The following ASTN2 variants were observed in gnomAD, a reference collection of about 807,000 sequenced individuals.
The protein encoded by ASTN2 is astrotactin 2.
A neutral mutation model predicts 139.8 loss-of-function variants in ASTN2; 54 were observed. That is an observed-to-expected ratio of 0.39 (90% CI 0.31 to 0.48). The LOEUF (loss-of-function observed/expected upper bound fraction) is 0.48, where lower values mean the gene tolerates loss of function less well. Among genes scored for constraint, ASTN2 ranks in the 20% least tolerant of loss-of-function variants. The probability of loss-of-function intolerance (pLI) is 0.95; values close to 1 mark genes in which losing one functional copy is unlikely to be tolerated. For missense variants in ASTN2, 1,565 were observed against 1,725.1 expected (o/e 0.91, Z 1.64); for synonymous variants, 756 against 719.5 (o/e 1.05, Z -0.81).
At chr9:116,980,462 A>C (rs1836481086) in intron 7 of ASTN2, among the ~76,000 whole-genome samples, 5 of 151,842 alleles carry the variant, frequency 3.3e-5, no homozygotes. Flanking sequence ...ATATGTTTAC[A>C]TTTAGACAAA....
chr9:117,298,467 C>T (rs1185389621), intron 1 of ASTN2, among the ~76,000 whole-genome samples: 2 of 152,018 alleles, frequency 1.3e-5, no homozygotes, highest in African/African-American at 4.8e-5. Context: ...CTCAGTTCCC[C>T]CATCTACCAA....
intron 7 of ASTN2, among the ~76,000 whole-genome samples, chr9:117,002,238 T>A (rs1204036965): frequency 3.3e-5 from 5 of 152,192 alleles, no homozygotes; most frequent in African/African-American, 1.2e-4. Context: ...CAAGTTTTAA[T>A]CTGGTTTTTA....
At chr9:116,567,746 G>A (rs562080598) in intron 19 of ASTN2, among the ~76,000 whole-genome samples, 3 of 152,226 alleles carry the variant, frequency 2.0e-5, no homozygotes, top group South Asian at 2.1e-4. Context: ...GCAGGCAGAA[G>A]GCAGGACAGA....
intron 6 of ASTN2, among the ~76,000 whole-genome samples, chr9:117,012,137 G>T (rs1564383473): frequency 6.6e-6 from 1 of 152,174 alleles, no homozygotes; most frequent in African/African-American, 2.4e-5. Flanking sequence ...CTAGAGGGAA[G>T]TTCAATTCAC....
At chr9:116,601,226 G>C (rs1854881244) in intron 19 of ASTN2, among the ~76,000 whole-genome samples, 1 of 152,174 alleles carries the variant, frequency 6.6e-6, no homozygotes, top group African/African-American at 2.4e-5. Flanking sequence ...ATCAATAGTA[G>C]AGAGAAGAAG....
chr9:117,264,255 CAT>C (rs1833892376), intron 2 of ASTN2, among the ~76,000 whole-genome samples: 1 of 151,966 alleles, frequency 6.6e-6, no homozygotes, highest in African/African-American at 2.4e-5. Context: ...TCTTGATGTA[CAT>C]AGAGATCTTT....
At chr9:116,810,996 T>C (rs890632062) in intron 12 of ASTN2, among the ~76,000 whole-genome samples, 3 of 152,188 alleles carry the variant, frequency 2.0e-5, no homozygotes, top group Non-Finnish European at 4.4e-5. Context: ...CTATGCAGTG[T>C]TCTCATTAAA....
At chr9:117,006,971 G>A (rs988708904) in intron 7 of ASTN2, among the ~76,000 whole-genome samples, 2 of 152,088 alleles carry the variant, frequency 1.3e-5, no homozygotes, top group African/African-American at 4.8e-5. Flanking sequence ...ACAAAAATTA[G>A]CGACGTGTGG....
At chr9:116,858,366 G>A (rs141271231) in intron 11 of ASTN2, among the ~76,000 whole-genome samples, 1 of 152,218 alleles carries the variant, frequency 6.6e-6, no homozygotes, top group South Asian at 2.1e-4. Flanking sequence ...ATTGTCTGGT[G>A]TTGGGTTAAT....
At chr9:117,267,369 T>C (rs777666119) in intron 2 of ASTN2, among the ~76,000 whole-genome samples, 7 of 152,166 alleles carry the variant, frequency 4.6e-5, no homozygotes, top group Non-Finnish European at 7.4e-5. Flanking sequence ...CTTTAGTTAA[T>C]AGTGTTGCAC....
chr9:116,445,779 C>T (rs1847968987), intron 20 of ASTN2, among the ~76,000 whole-genome samples: 1 of 152,174 alleles, frequency 6.6e-6, no homozygotes, highest in Admixed American at 6.5e-5. Flanking sequence ...GACTCAGTGA[C>T]ACAATGATAA....
chr9:117,101,122 G>A (rs999576633), intron 4 of ASTN2, among the ~76,000 whole-genome samples: 2 of 152,170 alleles, frequency 1.3e-5, no homozygotes, highest in African/African-American at 4.8e-5. Context: ...ATGCTTGTCT[G>A]TGTTTAACAG....
chr9:116,673,798 A>C (rs1859338984), intron 16 of ASTN2, among the ~76,000 whole-genome samples: 3 of 152,296 alleles, frequency 2.0e-5, no homozygotes, highest in South Asian at 4.2e-4. Flanking sequence ...CAAAACTGTG[A>C]GAGAATAAAT....
chr9:117,371,081 A>G (rs1829978302), intron 1 of ASTN2, among the ~76,000 whole-genome samples: 1 of 152,036 alleles, frequency 6.6e-6, no homozygotes, highest in South Asian at 2.1e-4. Context: ...GGATGTCCCT[A>G]CTTCATCATA....
intron 4 of ASTN2, among the ~76,000 whole-genome samples, chr9:117,132,913 A>G (rs892165804): frequency 2.6e-5 from 4 of 152,206 alleles, no homozygotes; most frequent in African/African-American, 9.7e-5. Context: ...GCATCCTAGC[A>G]TATTCTCACG....
intron 10 of ASTN2, among the ~76,000 whole-genome samples, chr9:116,896,779 C>T (rs1471735467): frequency 2.0e-5 from 3 of 152,134 alleles, no homozygotes; most frequent in African/African-American, 7.2e-5. Context: ...ATTTATAAGA[C>T]CATTAGATCT....
At position 116,620,580 on chromosome 9, in the gene ASTN2, T is replaced by C. The variant is rs991438326; in HGVS notation, c.3073-137A>G. 14 of 1,110,012 alleles carry C rather than the reference T, an allele frequency of 1.3e-5. 1 individual carries two copies. The highest frequency in any genetic ancestry group is 1.8e-5 in the Non-Finnish European group (14 of 758,998). The allele number at this position is 1,110,012 out of a possible 1,614,324, so 68.8% of individuals were successfully genotyped here. On this transcript the variant is annotated intron_variant, in intron 17 of 22. Coordinates refer to ENST00000313400, the MANE Select transcript of ASTN2 (RefSeq NM_001365068.1). ...TAAGCACAAGACACCATCTATTCCC[T>C]AAGTTCCTTGCACTCTACTATCAGG...
intron 19 of ASTN2, among the ~76,000 whole-genome samples, chr9:116,616,961 A>G (rs1855889911): frequency 6.6e-6 from 1 of 152,200 alleles, no homozygotes; most frequent in Admixed American, 6.5e-5. Flanking sequence ...ATACAGAGTC[A>G]AAAGTCAGAA....
intron 3 of ASTN2, among the ~76,000 whole-genome samples, chr9:117,172,650 C>T (rs1345052860): frequency 2.6e-5 from 4 of 152,088 alleles, no homozygotes; most frequent in Non-Finnish European, 4.4e-5. Context: ...GGAATGGTCA[C>T]GTGGCTTGTG....
Sources: gnomAD v4.1 joint callset for allele counts (sites outside exome capture counted in the v4.1 genomes callset) on GRCh38, gnomAD v4.1.1 for gene constraint, MANE v1.5 for transcripts, NCBI Gene and HGNC (gene_info 2026-07-23, HGNC 2026-07-21) for gene names.